HPCAL1: variants seen among roughly 807,000 people sequenced by gnomAD.
HPCAL1 encodes hippocalcin like 1.
HPCAL1 carries 8 observed loss-of-function variants against 17.1 expected under a neutral mutation model. That is an observed-to-expected ratio of 0.47 (90% CI 0.27 to 0.84). The LOEUF is 0.84. Ranked by LOEUF, HPCAL1 falls within the 40% of genes least tolerant of loss-of-function variation. HPCAL1 has a pLI of 0.13. For synonymous variants in HPCAL1, 112 were observed against 111.4 expected (o/e 1.01, Z -0.03); for missense variants, 165 against 271.1 (o/e 0.61, Z 2.75).
intron 2 of HPCAL1, among the ~76,000 whole-genome samples, chr2:10,403,778 C>G (rs926085656): frequency 6.6e-6 from 1 of 151,928 alleles, no homozygotes; most frequent in Non-Finnish European, 1.5e-5. Flanking sequence ...CCACCGAGTC[C>G]GGCCAACAAA....
intron 2 of HPCAL1, among the ~76,000 whole-genome samples, chr2:10,402,989 C>T (rs1669722872): frequency 6.6e-6 from 1 of 152,096 alleles, no homozygotes; most frequent in African/African-American, 2.4e-5. Context: ...GTGGCCAAAC[C>T]CCATTCATTT....
At position 10,359,914 on chromosome 2, in the gene HPCAL1, C is replaced by T. The variant is rs926471159; in HGVS notation, c.-110-36921C>T. Among the ~76,000 whole-genome samples, 13 of 147,896 alleles carry T rather than the reference C, an allele frequency of 8.8e-5. No homozygotes were observed. The highest frequency in any genetic ancestry group is 3.9e-4 in the East Asian group (2 of 5,122). On this transcript the variant is annotated intron_variant, in intron 1 of 4. Transcript: ENST00000307845. This position sits in a 1 kb window ranked among gnomAD's most constrained non-coding sequence, Gnocchi z 4.1. ...TCCACAGTGCCCGCCGGGTCCACAG[C>T]GCCCGCCGGGTCCACAGCGCCCGCC...
At chr2:10,421,571 T>C (rs1283800908) in intron 3 of HPCAL1, among the ~76,000 whole-genome samples, 1 of 152,144 alleles carries the variant, frequency 6.6e-6, no homozygotes, top group Non-Finnish European at 1.5e-5. Flanking sequence ...CATAGTGGCA[T>C]GCACCTGTAG....
chr2:10,402,306 A>C (rs1372908176), intron 2 of HPCAL1, among the ~76,000 whole-genome samples: 2 of 152,210 alleles, frequency 1.3e-5, no homozygotes, highest in African/African-American at 4.8e-5. Flanking sequence ...TCTTCCCAGC[A>C]CTTAGCATTG....
intron 1 of HPCAL1, among the ~76,000 whole-genome samples, chr2:10,378,930 C>G (rs186545153): frequency 6.6e-6 from 1 of 152,300 alleles, no homozygotes; most frequent in East Asian, 1.9e-4. Flanking sequence ...TCATTTACAG[C>G]GAGGCGGACA....
intron 4 of HPCAL1, chr2:10,426,472 G>T: frequency 2.1e-6 from 1 of 487,518 alleles, no homozygotes; most frequent in Non-Finnish European, 3.7e-6. Context: ...GCCCTCATCA[G>T]CCACGTCCTG....
intron 1 of HPCAL1, among the ~76,000 whole-genome samples, chr2:10,338,088 C>T (rs1572669696): frequency 6.6e-6 from 1 of 152,214 alleles, no homozygotes; most frequent in South Asian, 2.1e-4. Context: ...ATTTAGAAGA[C>T]CACATATTCT....
chr2:10,311,624 A>G (rs767654344), intron 1 of HPCAL1, among the ~76,000 whole-genome samples: 24 of 151,988 alleles, frequency 1.6e-4, no homozygotes, highest in Non-Finnish European at 2.5e-4. Context: ...GTGGGGGGAG[A>G]AGATGTAGAG....
intron 4 of HPCAL1, 114 bp from the exon 5 acceptor site, chr2:10,426,610 G>A: frequency 1.2e-6 from 1 of 815,556 alleles, no homozygotes; most frequent in South Asian, 1.5e-5. Flanking sequence ...CTTCAAGAAG[G>A]CTCAGGACTT....
At chr2:10,316,829 A>G (rs539461478) in intron 1 of HPCAL1, among the ~76,000 whole-genome samples, 3 of 152,228 alleles carry the variant, frequency 2.0e-5, no homozygotes, top group Admixed American at 6.5e-5. Flanking sequence ...TCCCATCTTT[A>G]TAGTCTACTG....
intron 1 of HPCAL1, among the ~76,000 whole-genome samples, chr2:10,361,338 A>T (rs1666516296): frequency 6.6e-6 from 1 of 151,856 alleles, no homozygotes; most frequent in South Asian, 2.1e-4. Flanking sequence ...CAGATAAGTC[A>T]TGCTTTGTTT....
At chr2:10,364,018 G>A (rs1458442496) in intron 1 of HPCAL1, among the ~76,000 whole-genome samples, 1 of 152,250 alleles carries the variant, frequency 6.6e-6, no homozygotes, top group Non-Finnish European at 1.5e-5. Context: ...TCCCAGCTTG[G>A]TGGGGCAGGC....
intron 1 of HPCAL1, among the ~76,000 whole-genome samples, chr2:10,361,794 G>C (rs1666543357): frequency 6.7e-6 from 1 of 150,340 alleles, no homozygotes; most frequent in Non-Finnish European, 1.5e-5. Flanking sequence ...TCTGCTCACT[G>C]CAACCTCTGC....
intron 1 of HPCAL1, among the ~76,000 whole-genome samples, chr2:10,314,449 C>T (rs142681544): frequency 6.6e-5 from 10 of 152,110 alleles, no homozygotes; most frequent in African/African-American, 1.4e-4. Context: ...GGCGTAAGGG[C>T]GAGACAGACA....
intron 1 of HPCAL1, among the ~76,000 whole-genome samples, chr2:10,393,883 G>A (rs1254199248): frequency 1.3e-5 from 2 of 151,780 alleles, no homozygotes; most frequent in African/African-American, 4.8e-5. Context: ...GGGAGGCCAA[G>A]GCAGGCAGAT....
intron 1 of HPCAL1, among the ~76,000 whole-genome samples, chr2:10,374,681 AGGGCCT>A (rs1667433628): frequency 6.6e-6 from 1 of 152,246 alleles, no homozygotes; most frequent in Admixed American, 6.5e-5. Flanking sequence ...CTTCTTGGAA[AGGGCCT>A]GGGGTTGAGC....
At chr2:10,312,374 C>A (rs1002003190) in intron 1 of HPCAL1, among the ~76,000 whole-genome samples, 2 of 101,802 alleles carry the variant, frequency 2.0e-5, no homozygotes, top group African/African-American at 6.9e-5. Flanking sequence ...ATCACCATCA[C>A]CACCGTCATT....
intron 1 of HPCAL1, among the ~76,000 whole-genome samples, chr2:10,385,914 C>T (rs931236541): frequency 6.6e-6 from 1 of 152,080 alleles, no homozygotes; most frequent in East Asian, 1.9e-4. Context: ...TGTCCGGAGC[C>T]TCTCCTCTCT....
At chr2:10,337,245 T>C (rs950369614) in intron 1 of HPCAL1, among the ~76,000 whole-genome samples, 2 of 152,168 alleles carry the variant, frequency 1.3e-5, no homozygotes, top group Non-Finnish European at 2.9e-5. Flanking sequence ...CCACGTGCTG[T>C]GATGAGCAGT....
Sources: allele counts gnomAD v4.1 joint callset (sites outside exome capture counted in the v4.1 genomes callset), GRCh38; gene constraint gnomAD v4.1.1; non-coding constraint Gnocchi (gnomAD v3.1); transcripts MANE v1.5; gene names NCBI Gene and HGNC (gene_info 2026-07-23, HGNC 2026-07-21).